SCD5: variants seen among roughly 807,000 people sequenced by gnomAD.
SCD5 encodes acyl-CoA-desaturase 4.
Under a neutral mutation model 30.4 loss-of-function variants are expected in SCD5, and 20 were observed. The observed-to-expected ratio is 0.66, with a 90% CI of 0.46 to 0.96. The LOEUF is 0.96. Ranked by LOEUF, SCD5 falls within the 40% of genes least tolerant of loss-of-function variation. The pLI is 0.00. For synonymous variants in SCD5, 173 were observed against 176.4 expected, an observed-to-expected ratio of 0.98 and a Z score of 0.16; for missense variants, 381 against 443.3, an observed-to-expected ratio of 0.86 and a Z score of 1.26.
At chr4:82,653,800 G>A (rs1210624230) in intron 3 of SCD5, among the ~76,000 whole-genome samples, 1 of 152,052 alleles carries the variant, frequency 6.6e-6, no homozygotes, top group Non-Finnish European at 1.5e-5. Context: ...TCTCTTGATA[G>A]TTAGGACATC....
intron 1 of SCD5, among the ~76,000 whole-genome samples, chr4:82,794,681 A>C (rs1438386311): frequency 7.1e-6 from 1 of 140,284 alleles, no homozygotes. Context: ...ACGGAGTCTC[A>C]CTCTGTCGCC....
At chr4:82,764,593 A>C (rs570044190) in intron 1 of SCD5, among the ~76,000 whole-genome samples, 4 of 152,320 alleles carry the variant, frequency 2.6e-5, no homozygotes, top group African/African-American at 9.6e-5. Context: ...TCATATAAGA[A>C]TCTTACAACA....
chr4:82,719,088 TA>T (rs910304701), intron 1 of SCD5, among the ~76,000 whole-genome samples: 2 of 151,820 alleles, frequency 1.3e-5, no homozygotes, highest in Non-Finnish European at 2.9e-5. Flanking sequence ...ACAGATTTTT[TA>T]AAAAACTGAT....
chr4:82,666,388 C>T (rs1039349914), intron 3 of SCD5, among the ~76,000 whole-genome samples: 1 of 152,032 alleles, frequency 6.6e-6, no homozygotes, highest in Non-Finnish European at 1.5e-5. Context: ...TGGTGGCGGG[C>T]GCCTGTAGTC....
At chr4:82,759,848 G>T (rs559793131) in intron 1 of SCD5, among the ~76,000 whole-genome samples, 2 of 152,040 alleles carry the variant, frequency 1.3e-5, no homozygotes, top group South Asian at 2.1e-4. Flanking sequence ...CTTAACACAG[G>T]GTTTGATACC....
At chr4:82,687,491 C>G (rs1040296054) in intron 2 of SCD5, among the ~76,000 whole-genome samples, 73 of 152,190 alleles carry the variant, frequency 4.8e-4, no homozygotes, top group African/African-American at 1.7e-3. Flanking sequence ...CTCGATGAAG[C>G]AGTTAAGATT....
rs1720156781 is a variant in SCD5 at position 82,713,583 on chromosome 4, TC to T, written c.233-8171del. ...TTGTTATTAAATAAGGAATTACTGGTCCAGTGCTATCTGCCCTTACTGAAAC... is the reference window on the plus strand; with the variant it reads ...TTGTTATTAAATAAGGAATTACTGGTCAGTGCTATCTGCCCTTACTGAAAC... On this transcript the variant is annotated intron_variant, in intron 1 of 4. Transcript: ENST00000319540. Among the ~76,000 whole-genome samples, 5 of 152,188 alleles carry T rather than the reference TC, an allele frequency of 3.3e-5. No homozygotes were observed. The South Asian group carries it at 1.0e-3, about 32-fold the overall frequency.
At chr4:82,645,263 G>C (rs1226403645) in intron 3 of SCD5, among the ~76,000 whole-genome samples, 1 of 150,638 alleles carries the variant, frequency 6.6e-6, no homozygotes, top group South Asian at 2.1e-4. Context: ...GCAGTGAGCC[G>C]AGATTGTGCC....
At chr4:82,763,747 T>C (rs1255827989) in intron 1 of SCD5, among the ~76,000 whole-genome samples, 3 of 152,230 alleles carry the variant, frequency 2.0e-5, no homozygotes, top group African/African-American at 4.8e-5. Flanking sequence ...ACCTTGGACG[T>C]CCAGCCTCCA....
chr4:82,654,754 C>G (rs17006038), intron 3 of SCD5, among the ~76,000 whole-genome samples: 27,985 of 152,048 alleles, frequency 0.18, 2,747 homozygotes, highest in East Asian at 0.37. Context: ...CGCTGTTAGC[C>G]TAGGATACCT....
intron 1 of SCD5, among the ~76,000 whole-genome samples, chr4:82,720,258 T>C (rs1424258010): frequency 6.6e-6 from 1 of 151,580 alleles, no homozygotes; most frequent in Non-Finnish European, 1.5e-5. Flanking sequence ...TGAGACACCA[T>C]CTCTACAGAA....
At chr4:82,797,372 A>G (rs571220228) in intron 1 of SCD5, among the ~76,000 whole-genome samples, 153 of 152,316 alleles carry the variant, frequency 1.0e-3, no homozygotes, top group African/African-American at 3.3e-3. Flanking sequence ...TCAGTAAAGG[A>G]GGCCAAAACC....
intron 1 of SCD5, among the ~76,000 whole-genome samples, chr4:82,754,311 A>G (rs1026431458): frequency 1.3e-5 from 2 of 152,214 alleles, no homozygotes; most frequent in African/African-American, 4.8e-5. Flanking sequence ...CTGCTTTTCA[A>G]CCTCCTCAGT....
intron 1 of SCD5, among the ~76,000 whole-genome samples, chr4:82,788,922 T>A (rs1002216256): frequency 6.6e-6 from 1 of 152,242 alleles, no homozygotes; most frequent in African/African-American, 2.4e-5. Flanking sequence ...ATGGCATTTC[T>A]GGGTCATCCT....
At chr4:82,743,992 A>G (rs1052814068) in intron 1 of SCD5, among the ~76,000 whole-genome samples, 20 of 151,566 alleles carry the variant, frequency 1.3e-4, no homozygotes, top group African/African-American at 4.4e-4. Flanking sequence ...CACCTGGATA[A>G]TTTTTCTATT....
intron 2 of SCD5, among the ~76,000 whole-genome samples, chr4:82,681,975 T>C (rs1728587132): frequency 6.6e-6 from 1 of 152,084 alleles, no homozygotes; most frequent in Non-Finnish European, 1.5e-5. Flanking sequence ...CTTCCCCAAA[T>C]CTCTGCAAAA....
intron 3 of SCD5, among the ~76,000 whole-genome samples, chr4:82,639,677 G>C (rs931895933): frequency 9.8e-5 from 15 of 152,322 alleles, no homozygotes; most frequent in African/African-American, 3.6e-4. Context: ...AGCATGTGAG[G>C]AGGAAAGGAC....
chr4:82,754,207 C>A (rs528673647), intron 1 of SCD5, among the ~76,000 whole-genome samples: 5 of 151,844 alleles, frequency 3.3e-5, no homozygotes, highest in African/African-American at 1.2e-4. Context: ...GGAGAGAAAG[C>A]GGGAAATCAG....
intron 2 of SCD5, among the ~76,000 whole-genome samples, chr4:82,702,441 A>G (rs1340752688): frequency 1.3e-5 from 2 of 151,940 alleles, no homozygotes; most frequent in Non-Finnish European, 2.9e-5. Flanking sequence ...CACCACGCCC[A>G]GCCCATCATC....
Sources: allele counts gnomAD v4.1 joint callset (sites outside exome capture counted in the v4.1 genomes callset), GRCh38; gene constraint gnomAD v4.1.1; transcripts MANE v1.5; gene names NCBI Gene and HGNC (gene_info 2026-07-23, HGNC 2026-07-21).